HIBCH: variants seen among roughly 807,000 people sequenced by gnomAD.
The protein encoded by HIBCH is 3-hydroxyisobutyryl-CoA hydrolase, mitochondrial.
A neutral mutation model predicts 58.2 loss-of-function variants in HIBCH; 50 were observed. That is an observed-to-expected ratio of 0.86 (90% CI 0.68 to 1.09). The LOEUF is 1.09. Ranked by LOEUF, HIBCH falls within the 50% of genes least tolerant of loss-of-function variation. The pLI, the probability that HIBCH is intolerant of heterozygous loss-of-function variation, is 0.00. For missense variants in HIBCH, 450 were observed against 449.7 expected (o/e 1.00, Z -0.01); for synonymous variants, 151 against 146.9 (o/e 1.03, Z -0.20).
At chr2:190,309,226 A>G (rs903638115) in intron 2 of HIBCH, among the ~76,000 whole-genome samples, 3 of 152,202 alleles carry the variant, frequency 2.0e-5, no homozygotes, top group Non-Finnish European at 2.9e-5. Context: ...TTGCCAATGT[A>G]TTTACCACAA....
At chr2:190,235,338 G>A (rs11899314) in intron 11 of HIBCH, among the ~76,000 whole-genome samples, 3,264 of 152,188 alleles carry the variant, frequency 0.021, 122 homozygotes, top group African/African-American at 0.073. Context: ...GGTGGCATAC[G>A]CAGTTTGTCA....
chr2:190,259,365 G>GTGTGTGTGTGTGTGTC (rs1305957511), intron 7 of HIBCH, among the ~76,000 whole-genome samples: 35 of 141,236 alleles, frequency 2.5e-4, no homozygotes, highest in Admixed American at 7.0e-4. Context: ...GTGTGTGTGT[G>GTGTGTGTGTGTGTGTC]TGTCTGTCTG....
At chr2:190,316,489 A>G (rs1688712644) in intron 1 of HIBCH, among the ~76,000 whole-genome samples, 1 of 152,214 alleles carries the variant, frequency 6.6e-6, no homozygotes, top group African/African-American at 2.4e-5. Flanking sequence ...AGAAAAACAG[A>G]AAAAAACTAC....
chr2:190,204,974 T>C lies in HIBCH; in HGVS notation c.*143A>G. 1 of 664,466 alleles carries C rather than the reference T, an allele frequency of 1.5e-6. No individual in the cohort carries two copies. The highest frequency in any genetic ancestry group is 1.7e-5 in the South Asian group (1 of 60,252). 41.2% of individuals were successfully genotyped at this position (664,466 alleles called of 1,614,324 possible). ...TTTCACGTCATGAATTATTAGTCTT[T>C]GATTTCTTTTCCCAACCATTTAAAA... is the stretch of plus-strand genomic sequence containing the variant. On this transcript the variant is annotated 3_prime_UTR_variant, in exon 14 of 14. Coordinates refer to ENST00000359678, the MANE Select transcript of HIBCH (RefSeq NM_014362.4).
chr2:190,224,731 C>A (rs1024473674), intron 11 of HIBCH, among the ~76,000 whole-genome samples: 1 of 152,160 alleles, frequency 6.6e-6, no homozygotes, highest in Non-Finnish European at 1.5e-5. Flanking sequence ...ATCAACGAGA[C>A]AGAAAGATAA....
At position 190,306,516 on chromosome 2, in the gene HIBCH, T is replaced by A. The variant is rs993379857; in HGVS notation, c.78+4238A>T. 4.6e-5 allele frequency among the ~76,000 whole-genome samples: 7 copies of A among 152,150 alleles called. No individual in the cohort carries two copies. Among genetic ancestry groups the A allele is most frequent in the African/African-American group, 1.7e-4 (7 of 41,416 alleles). ...GGTTTCCCAAATTGCATGACAGTTG[T>A]ACTGTCATGCAATATACTGCATATG... is the stretch of plus-strand genomic sequence containing the variant. On this transcript the variant is annotated intron_variant, in intron 2 of 13. Coordinates refer to ENST00000359678, the MANE Select transcript of HIBCH (RefSeq NM_014362.4). This position sits in a 1 kb window ranked among gnomAD's most constrained non-coding sequence, Gnocchi z 4.6.
At chr2:190,259,777 G>A (rs930937404) in intron 7 of HIBCH, among the ~76,000 whole-genome samples, 20 of 152,112 alleles carry the variant, frequency 1.3e-4, no homozygotes, top group Admixed American at 4.6e-4. Context: ...ATATATATAA[G>A]AGCATGTCAT....
At chr2:190,237,143 T>C (rs920323640) in intron 11 of HIBCH, among the ~76,000 whole-genome samples, 6 of 152,336 alleles carry the variant, frequency 3.9e-5, no homozygotes, top group African/African-American at 9.6e-5. Flanking sequence ...CTTAAGTGCA[T>C]AGTTCTATGA....
At position 190,217,547 on chromosome 2, in the gene HIBCH, C is replaced by T. The variant is rs953157320; in HGVS notation, c.892-4472G>A. Among the ~76,000 whole-genome samples, 4 of 152,164 alleles carry T rather than the reference C, an allele frequency of 2.6e-5. No individual in the cohort carries two copies. Among genetic ancestry groups the T allele is most frequent in the Non-Finnish European group, 5.9e-5 (4 of 68,034 alleles). On this transcript the variant is annotated intron_variant, in intron 11 of 13. Coordinates refer to ENST00000359678, the MANE Select transcript of HIBCH (RefSeq NM_014362.4). This position sits in a 1 kb window ranked among gnomAD's most constrained non-coding sequence, Gnocchi z 4.6. ...TTAAGGCCATATTTAAGCAGGACTA[C>T]TAACCTTTCTACTATGAAAATCAAA...
chr2:190,193,737 TA>T (rs1051916806), intron 1 of HIBCH, among the ~76,000 whole-genome samples: 1 of 152,204 alleles, frequency 6.6e-6, no homozygotes, highest in African/African-American at 2.4e-5. Context: ...TATAGAGATG[TA>T]TCTATTAGAT....
downstream of HIBCH, chr2:190,200,455 G>T: frequency 4.3e-6 from 1 of 233,944 alleles, no homozygotes; most frequent in Non-Finnish European, 9.1e-6. Context: ...AAATGCTAAG[G>T]AATAAAAACT....
chr2:190,234,185 C>T lies in HIBCH; in HGVS notation c.891+10702G>A, dbSNP rs567050700. Among the ~76,000 whole-genome samples the T allele has an allele frequency of 4.6e-5, 7 of 152,266 alleles. No homozygotes were observed. In the South Asian group the frequency reaches 1.0e-3, roughly 23 times the overall value. On this transcript the variant is annotated intron_variant, in intron 11 of 13. Transcript: ENST00000359678. ...AAACACCACCACCACCACCAAAATG[C>T]GGGTGAGAATGCGGAGCAACTAGTA...
rs1690036675 is a variant in HIBCH at position 190,197,525 on chromosome 2, T to C, written c.*18-7528A>G. On this transcript the variant is annotated intron_variant, in intron 1 of 1. Transcript: ENST00000399855. This position sits in a 1 kb window ranked among gnomAD's most constrained non-coding sequence, Gnocchi z 4.0. ...CCAATCTTGAACTCTATCTTATAAA[T>C]TCCAGCTGTTTTAGTAACCCTAACC... Among the ~76,000 whole-genome samples, 1 of 152,208 alleles carries C rather than the reference T, an allele frequency of 6.6e-6. No individual in the cohort carries two copies. Among genetic ancestry groups the C allele is most frequent in the African/African-American group, 2.4e-5 (1 of 41,452 alleles).
At chr2:190,201,233 A>T (rs878937607), downstream of HIBCH, 1 of 166,864 alleles carries the variant, frequency 6.0e-6, no homozygotes, top group Non-Finnish European at 1.5e-5. Context: ...TAGGGAAGCT[A>T]TTTTTTCTCT....
At chr2:190,196,825 A>G (rs957706188) in intron 1 of HIBCH, among the ~76,000 whole-genome samples, 16 of 152,180 alleles carry the variant, frequency 1.1e-4, no homozygotes, top group African/African-American at 3.9e-4. Context: ...AGCAGAGCTG[A>G]GTAGTTGTAA....
chr2:190,193,444 C>T (rs1338469047), intron 1 of HIBCH, among the ~76,000 whole-genome samples: 2 of 152,032 alleles, frequency 1.3e-5, no homozygotes, highest in African/African-American at 2.4e-5. Flanking sequence ...TTTCTTTCCT[C>T]TTTCTCTCTT....
At chr2:190,248,209 C>T (rs559170248) in intron 9 of HIBCH, among the ~76,000 whole-genome samples, 1 of 152,140 alleles carries the variant, frequency 6.6e-6, no homozygotes, top group Non-Finnish European at 1.5e-5. Context: ...CTATGCAAAG[C>T]ACTAAAATTA....
chr2:190,199,747 G>GCCCTGGAGAGGGAAAGCAC (rs1448150242), downstream of HIBCH: 9 of 1,517,802 alleles, frequency 5.9e-6, no homozygotes, highest in African/African-American at 9.7e-5. Context: ...TTACTGAAGT[G>GCCCTGGAGAGGGAAAGCAC]CCCTGGAGAG....
chr2:190,233,323 C>T (rs1323600114), intron 11 of HIBCH, among the ~76,000 whole-genome samples: 1 of 152,080 alleles, frequency 6.6e-6, no homozygotes, highest in Non-Finnish European at 1.5e-5. Context: ...GCTGTGGTCC[C>T]CACCCAAATC....
Sources: allele counts gnomAD v4.1 joint callset (sites outside exome capture counted in the v4.1 genomes callset), GRCh38; gene constraint gnomAD v4.1.1; non-coding constraint Gnocchi (gnomAD v3.1); transcripts MANE v1.5; gene names NCBI Gene and HGNC (gene_info 2026-07-23, HGNC 2026-07-21).